Variants in TRIM24 observed in about 807,000 individuals in gnomAD.
TRIM24 encodes the protein transcription intermediary factor 1-alpha.
In TRIM24, 29 loss-of-function variants were observed where a neutral mutation model predicts 123.9. The observed-to-expected ratio is 0.23, with a 90% CI of 0.17 to 0.32. The LOEUF (loss-of-function observed/expected upper bound fraction) is 0.32. Among genes scored for constraint, TRIM24 ranks in the 10% least tolerant of loss-of-function variants. The pLI is 1.00. For synonymous variants in TRIM24, 456 were observed against 461.1 expected, an observed-to-expected ratio of 0.99 and a Z score of 0.14; for missense variants, 932 against 1,295.3, an observed-to-expected ratio of 0.72 and a Z score of 4.31.
intron 1 of TRIM24, among the ~76,000 whole-genome samples, chr7:138,461,566 G>A (rs1365659621): frequency 6.6e-6 from 1 of 152,194 alleles, no homozygotes; most frequent in Admixed American, 6.5e-5. Context: ...AGACGGCGAA[G>A]AGAAATAATA....
intron 1 of TRIM24, among the ~76,000 whole-genome samples, chr7:138,491,767 G>A (rs901731516): frequency 3.3e-5 from 5 of 152,076 alleles, no homozygotes; most frequent in Admixed American, 6.6e-5. Flanking sequence ...ATTTTGCATC[G>A]TGTCAGCAGT....
At position 138,586,550 on chromosome 7, in the gene TRIM24, T is replaced by A. The variant is rs1798022852; in HGVS notation, c.*1599T>A. ...ATATATAGGTCTTGTTCATAATATG[T>A]CAATTATGTATTGTTAAAAAGTCCT... On this transcript the variant is annotated 3_prime_UTR_variant, in exon 19 of 19. Coordinates refer to ENST00000343526, the MANE Select transcript of TRIM24 (RefSeq NM_015905.3). 1 of 152,100 alleles carries A rather than the reference T, an allele frequency of 6.6e-6. No individual in the cohort carries two copies. The highest frequency in any genetic ancestry group is 2.1e-4 in the South Asian group (1 of 4,832). 9.4% of individuals were successfully genotyped at this position (152,100 alleles called of 1,614,324 possible).
At chr7:138,581,609 T>G in intron 16 of TRIM24, 88 bp from the exon 17 acceptor site, 1 of 1,149,132 alleles carries the variant, frequency 8.7e-7, no homozygotes, top group Non-Finnish European at 1.2e-6. Flanking sequence ...GTCTGACACT[T>G]TGGGACCTCT....
intron 7 of TRIM24, among the ~76,000 whole-genome samples, chr7:138,545,020 G>A (rs1239626625): frequency 1.3e-5 from 2 of 152,158 alleles, no homozygotes; most frequent in Non-Finnish European, 2.9e-5. Flanking sequence ...TTGGATTCAT[G>A]CACAAAATTA....
At chr7:138,508,692 T>TGCGCGCGC (rs60180839) in intron 2 of TRIM24, among the ~76,000 whole-genome samples, 119 of 137,278 alleles carry the variant, frequency 8.7e-4, no homozygotes, top group South Asian at 1.2e-3. Context: ...TGTGTGTGTG[T>TGCGCGCGC]GCGCGCGCGT....
Position 138,573,621 on chromosome 7 carries a change from G to C in TRIM24, c.1993G>C (p.Val665Leu), listed in dbSNP as rs764777843. The C allele has an allele frequency of 1.2e-6, 2 of 1,612,934 alleles. No individual in the cohort carries two copies. Among genetic ancestry groups the C allele is most frequent in the South Asian group, 2.2e-5 (2 of 90,700 alleles). The change falls in exon 12 of 19, where the codon GTG becomes CTG. Residue 665 changes from valine to leucine, a missense_variant. Around this residue, in one of 7 missense-constraint regions of TRIM24, gnomAD observed 527 missense variants for 691.3 expected, o/e 0.76. Transcript: ENST00000343526. The part of the protein sequence containing the change: ...NRTVQSPNSS[V>L]PSPGLAGPVT... Reference sequence around the variant, plus strand: ...AACGGTCCAGTCACCAAATTCATCAGTGCCATCTCCAGGCCTTGCAGGTAA... The same window carrying C: ...AACGGTCCAGTCACCAAATTCATCACTGCCATCTCCAGGCCTTGCAGGTAA...
intron 1 of TRIM24, among the ~76,000 whole-genome samples, chr7:138,477,633 CA>C (rs1323759355): frequency 1.3e-5 from 2 of 152,032 alleles, no homozygotes; most frequent in African/African-American, 2.4e-5. Context: ...ATTGTAAGCA[CA>C]AAAAAACTTA....
At chr7:138,489,218 C>T (rs978119671) in intron 1 of TRIM24, among the ~76,000 whole-genome samples, 2 of 152,144 alleles carry the variant, frequency 1.3e-5, no homozygotes, top group Non-Finnish European at 2.9e-5. Context: ...TCCTCCATCC[C>T]TTTATTTTGA....
intron 10 of TRIM24, among the ~76,000 whole-genome samples, chr7:138,569,517 A>T (rs2116667762): frequency 6.6e-6 from 1 of 152,314 alleles, no homozygotes; most frequent in Non-Finnish European, 1.5e-5. Flanking sequence ...GTGTTATCTC[A>T]TTTGTATGTG....
Position 138,477,935 on chromosome 7 carries a change from G to A in TRIM24, c.364+17023G>A, listed in dbSNP as rs554744369. On this transcript the variant is annotated intron_variant, in intron 1 of 18. Coordinates refer to ENST00000343526, the MANE Select transcript of TRIM24 (RefSeq NM_015905.3). ...ATTGAAAAGGGTTTGCAGTTCTGTCGGAAAGTTTGCTGCTGATTTAGTGAT... is the reference window on the plus strand; with the variant it reads ...ATTGAAAAGGGTTTGCAGTTCTGTCAGAAAGTTTGCTGCTGATTTAGTGAT... Among the ~76,000 whole-genome samples, 9 of 152,228 alleles carry A rather than the reference G, an allele frequency of 5.9e-5. No individual in the cohort carries two copies. The East Asian group carries it at 9.6e-4, about 16-fold the overall frequency.
chr7:138,463,421 G>A lies in TRIM24; in HGVS notation c.364+2509G>A, dbSNP rs548265412. 3.9e-4 allele frequency among the ~76,000 whole-genome samples: 59 copies of A among 152,044 alleles called. 1 individual carries two copies. The South Asian group carries it at 0.012, about 30-fold the overall frequency. On this transcript the variant is annotated intron_variant, in intron 1 of 18. Transcript: ENST00000343526. ...ATTTGTGTTTTGTTTTAGTAGAGAC[G>A]GAGTTTTGCCATGTTGGCCAGGCTG...
intron 1 of TRIM24, chr7:138,491,104 A>G (rs1563030751): frequency 7.3e-6 from 2 of 275,222 alleles, no homozygotes; most frequent in Non-Finnish European, 1.4e-5. Context: ...TGCCCTGAAC[A>G]TCTTTGATAA....
chr7:138,463,060 T>TTG (rs1795047449), intron 1 of TRIM24, among the ~76,000 whole-genome samples: 1 of 144,562 alleles, frequency 6.9e-6, no homozygotes, highest in African/African-American at 2.5e-5. Context: ...TTTTTTTTTT[T>TTG]TTTTTTTTTG....
intron 13 of TRIM24, among the ~76,000 whole-genome samples, chr7:138,576,719 G>A (rs191742478): frequency 5.7e-4 from 87 of 152,160 alleles, no homozygotes; most frequent in African/African-American, 2.0e-3. Flanking sequence ...AAAATGAATA[G>A]GCATAACACA....
intron 1 of TRIM24, among the ~76,000 whole-genome samples, chr7:138,473,635 G>A (rs1584685414): frequency 1.3e-5 from 2 of 152,318 alleles, no homozygotes; most frequent in East Asian, 3.9e-4. Flanking sequence ...AGCTATTACT[G>A]TGATAGTACA....
chr7:138,517,606 T>G (rs1406384934), intron 3 of TRIM24, among the ~76,000 whole-genome samples: 1 of 152,136 alleles, frequency 6.6e-6, no homozygotes, highest in Non-Finnish European at 1.5e-5. Context: ...ACTCCTGACC[T>G]CAAGTGATCC....
At chr7:138,541,434 A>G (rs964705159) in intron 7 of TRIM24, among the ~76,000 whole-genome samples, 4 of 152,328 alleles carry the variant, frequency 2.6e-5, no homozygotes, top group African/African-American at 9.6e-5. Context: ...TTTGTCAATG[A>G]GCAGTAATAT....
intron 1 of TRIM24, chr7:138,490,843 C>A: frequency 2.2e-6 from 1 of 460,034 alleles, no homozygotes; most frequent in South Asian, 1.7e-5. Context: ...TTTGTCTGTA[C>A]CTGTCAGGTC....
chr7:138,567,445 G>C, intron 9 of TRIM24, 36 bp from the exon 10 acceptor site: 2 of 1,572,104 alleles, frequency 1.3e-6, no homozygotes, highest in South Asian at 2.4e-5. Flanking sequence ...TTCAGAAGAA[G>C]ATTGTTACTA....
Sources: allele counts gnomAD v4.1 joint callset (sites outside exome capture counted in the v4.1 genomes callset), GRCh38; gene constraint gnomAD v4.1.1; regional missense constraint gnomAD v4.1.1; transcripts MANE v1.5; gene names NCBI Gene and HGNC (gene_info 2026-07-23, HGNC 2026-07-21).